ZFP42: variants seen among roughly 807,000 people sequenced by gnomAD.
ZFP42 encodes ZFP42 zinc finger protein.
For synonymous variants in ZFP42, 175 were observed against 144.6 expected, an observed-to-expected ratio of 1.21 and a Z score of -1.51; for missense variants, 438 against 377.1, an observed-to-expected ratio of 1.16 and a Z score of -1.34.
At chr4:187,996,600 G>A (rs532808885) in intron 1 of ZFP42, among the ~76,000 whole-genome samples, 2 of 152,158 alleles carry the variant, frequency 1.3e-5, no homozygotes, top group African/African-American at 4.8e-5. Context: ...GTGAGCCACC[G>A]CGCCGGGCGA....
At chr4:187,997,225 A>ATTTTTTT (rs1484017532) in intron 1 of ZFP42, among the ~76,000 whole-genome samples, 1 of 36,496 alleles carries the variant, frequency 2.7e-5, no homozygotes, top group Non-Finnish European at 4.6e-5. Flanking sequence ...CCCCTCTCAT[A>ATTTTTTT]TTCTTTTTTT....
chr4:187,997,569 C>G (rs1375169284), intron 1 of ZFP42, among the ~76,000 whole-genome samples: 1 of 151,342 alleles, frequency 6.6e-6, no homozygotes, highest in Non-Finnish European at 1.5e-5. Context: ...TTTTCTCAAT[C>G]TGACATTTTT....
At chr4:188,002,659 C>T in intron 3 of ZFP42, 54 bp from the exon 4 acceptor site, 1 of 672,222 alleles carries the variant, frequency 1.5e-6, no homozygotes, top group Non-Finnish European at 2.6e-6. Context: ...CATTTTTTGA[C>T]AGTGGCTCTA....
At chr4:187,995,930 TAGTC>T (rs910072698) in intron 1 of ZFP42, 90 bp downstream of exon 1, 3 of 152,214 alleles carry the variant, frequency 2.0e-5, no homozygotes, top group African/African-American at 7.2e-5. Flanking sequence ...AGGGGTTAGA[TAGTC>T]AGGGAGGGGA....
Position 188,002,967 on chromosome 4 carries a change from G to A in ZFP42, c.160G>A (p.Val54Met), listed in dbSNP as rs868697086. Residue 54 changes from valine to methionine, a missense_variant, in exon 4 of 4, where the codon GTG becomes ATG. By Grantham distance (21) the Val-to-Met change is conservative. Coordinates refer to ENST00000326866, the MANE Select transcript of ZFP42 (RefSeq NM_174900.5). ...GGTGTGGGCCTTATGTGATGGCTAT[G>A]TGTGCTATGAGCCTGGCCCTCAGGC... ...SAVWALCDGYVCYEPGPQALG... is the reference protein window; with the variant it reads ...SAVWALCDGYMCYEPGPQALG... 2 of 1,614,182 alleles carry A rather than the reference G, an allele frequency of 1.2e-6. No individual in the cohort carries two copies. Among genetic ancestry groups the A allele is most frequent in the Middle Eastern group, 3.3e-4 (2 of 6,062 alleles).
intron 1 of ZFP42, among the ~76,000 whole-genome samples, chr4:187,996,362 G>A (rs1733563732): frequency 6.6e-6 from 1 of 152,002 alleles, no homozygotes; most frequent in South Asian, 2.1e-4. Flanking sequence ...CCAGGCTGGA[G>A]TGCAATGGCG....
Position 188,002,755 on chromosome 4 carries a change from G to A in ZFP42, c.-53G>A. 1 of 1,488,088 alleles carries A rather than the reference G, an allele frequency of 6.7e-7. No individual in the cohort carries two copies. The highest frequency in any genetic ancestry group is 9.3e-7 in the Non-Finnish European group (1 of 1,078,462). The allele number at this position is 1,488,088 out of a possible 1,614,324, so 92.2% of individuals were successfully genotyped here. A position where few individuals can be genotyped will look rare whatever the true frequency, so the allele number is the denominator to read the frequency against. On this transcript the variant is annotated 5_prime_UTR_variant, in exon 4 of 4. Coordinates refer to ENST00000326866, the MANE Select transcript of ZFP42 (RefSeq NM_174900.5). ...CTTACTCAGATCACTACTGCCTGGA[G>A]GTGGTTGATATATCCTGGTGTAAAC...
Position 188,003,820 on chromosome 4 carries a change from A to T in ZFP42, c.*80A>T. 7.0e-7 allele frequency: 1 copy of T among 1,419,202 alleles called. No individual in the cohort carries two copies. The highest frequency in any genetic ancestry group is 1.4e-5 in the African/African-American group (1 of 69,844). The allele number at this position is 1,419,202 out of a possible 1,614,324, so 87.9% of individuals were successfully genotyped here. A position where few individuals can be genotyped will look rare whatever the true frequency, so the allele number is the denominator to read the frequency against. ...TCATTGATTATTGTTTCTAGGAAGG[A>T]ATTTCTAAATCAATATTGCAACCCC... is the stretch of plus-strand genomic sequence containing the variant. On this transcript the variant is annotated 3_prime_UTR_variant, in exon 4 of 4. Coordinates refer to ENST00000326866, the MANE Select transcript of ZFP42 (RefSeq NM_174900.5).
At chr4:187,999,435 G>C (rs1330233588) in intron 2 of ZFP42, among the ~76,000 whole-genome samples, 162 bp downstream of exon 2, 1 of 152,054 alleles carries the variant, frequency 6.6e-6, no homozygotes, top group South Asian at 2.1e-4. Flanking sequence ...CCTGGCCTTA[G>C]GAAATTCCTT....
At chr4:187,996,571 A>G (rs1733577643) in intron 1 of ZFP42, among the ~76,000 whole-genome samples, 1 of 151,940 alleles carries the variant, frequency 6.6e-6, no homozygotes, top group African/African-American at 2.4e-5. Flanking sequence ...CAGCCTCCCA[A>G]AGTGCTGAGA....
In ZFP42 at chr4:188,003,293, A is replaced by G; in HGVS notation, c.486A>G (p.Leu162=). 1 of 1,614,128 alleles carries G rather than the reference A, an allele frequency of 6.2e-7. No homozygotes were observed. Among genetic ancestry groups the G allele is most frequent in the Non-Finnish European group, 8.5e-7 (1 of 1,180,044 alleles). Residue 162 remains leucine, a synonymous_variant, in exon 4 of 4, where the codon CTA becomes CTG. Coordinates refer to ENST00000326866, the MANE Select transcript of ZFP42 (RefSeq NM_174900.5). ...CTGGAGGAATACCTGGCATTGACCTATCAGATCCTAAACAGCTCGCAGAAT... is the reference window on the plus strand; with the variant it reads ...CTGGAGGAATACCTGGCATTGACCTGTCAGATCCTAAACAGCTCGCAGAAT... ...LPPGGIPGID[L]SDPKQLAEFA... is the part of the protein sequence containing the mutation.
intron 1 of ZFP42, among the ~76,000 whole-genome samples, chr4:187,997,680 T>A (rs1249608759): frequency 6.6e-6 from 1 of 152,174 alleles, no homozygotes; most frequent in African/African-American, 2.4e-5. Context: ...GAATACTAAA[T>A]GTATATGAAG....
intron 3 of ZFP42, among the ~76,000 whole-genome samples, chr4:188,001,641 A>AAT (rs2111183747): frequency 1.3e-5 from 2 of 152,338 alleles, no homozygotes; most frequent in Non-Finnish European, 2.9e-5. Flanking sequence ...GGCAAAGTTG[A>AAT]ATAGTTTCAA....
rs555416829 is a variant in ZFP42 at position 188,003,415 on chromosome 4, C to G, written c.608C>G (p.Ala203Gly). Residue 203 changes from alanine to glycine, a missense_variant, in exon 4 of 4, where the codon GCT becomes GGT. Coordinates refer to ENST00000326866, the MANE Select transcript of ZFP42 (RefSeq NM_174900.5). ...SGCTRKLRNR[A>G]ALRKHLLIHG... ...TGCACTAGGAAGTTGAGGAATAGAG[C>G]TGCCCTGAGAAAGCATCTCCTCATT... The G allele has an allele frequency of 2.5e-6, 4 of 1,614,036 alleles. No homozygotes were observed. The highest frequency in any genetic ancestry group is 3.4e-6 in the Non-Finnish European group (4 of 1,180,032).
intron 3 of ZFP42, among the ~76,000 whole-genome samples, chr4:188,002,363 C>A (rs906475880): frequency 6.6e-6 from 1 of 152,200 alleles, no homozygotes; most frequent in Non-Finnish European, 1.5e-5. Context: ...ACGTGGCATA[C>A]ATTGCTTATT....
At chr4:188,001,858 A>C (rs1733835553) in intron 3 of ZFP42, among the ~76,000 whole-genome samples, 1 of 152,252 alleles carries the variant, frequency 6.6e-6, no homozygotes, top group Non-Finnish European at 1.5e-5. Context: ...GCGTTATTTA[A>C]TTTGAATTTC....
rs1733926567 is a variant in ZFP42 at position 188,003,469 on chromosome 4, A to C, written c.662A>C (p.Glu221Ala). ...GGTCCCCGAGACCACGTCTGTGCGG[A>C]ATGTGGGAAAGCGTTCGTTGAGAGC... ...IHGPRDHVCAECGKAFVESSK... is the reference protein window; with the variant it reads ...IHGPRDHVCAACGKAFVESSK... Residue 221 changes from glutamate to alanine, a missense_variant, in exon 4 of 4, where the codon GAA becomes GCA. By Grantham distance (107) the Glu-to-Ala change is moderately radical. Transcript: ENST00000326866. 6.2e-7 allele frequency: 1 copy of C among 1,613,862 alleles called. No homozygotes were observed. The highest frequency in any genetic ancestry group is 1.3e-5 in the African/African-American group (1 of 74,920).
chr4:187,997,014 G>GTGGAGCATGGAGCCTGGAGCA (rs1733609991), intron 1 of ZFP42, among the ~76,000 whole-genome samples: 1 of 23,090 alleles, frequency 4.3e-5, no homozygotes, highest in Non-Finnish European at 6.8e-5. Context: ...AGCGTGGAGC[G>GTGGAGCATGGAGCCTGGAGCA]TGGAGCATGG....
At chr4:188,001,700 A>C (rs192253182) in intron 3 of ZFP42, among the ~76,000 whole-genome samples, 4 of 152,366 alleles carry the variant, frequency 2.6e-5, no homozygotes, top group African/African-American at 7.2e-5. Context: ...TTGCAGAAAT[A>C]GTTTACCACC....
Sources: gnomAD v4.1 joint callset for allele counts (sites outside exome capture counted in the v4.1 genomes callset) on GRCh38, gnomAD v4.1.1 for gene constraint, MANE v1.5 for transcripts, NCBI Gene and HGNC (gene_info 2026-07-23, HGNC 2026-07-21) for gene names.